Variants in JAKMIP2 observed in about 807,000 individuals in gnomAD.
JAKMIP2 encodes janus kinase and microtubule-interacting protein 2.
A neutral mutation model predicts 115.0 loss-of-function variants in JAKMIP2; 25 were observed. The observed-to-expected ratio is 0.22, with a 90% CI of 0.16 to 0.30. JAKMIP2 has a LOEUF of 0.30. Ranked by LOEUF, JAKMIP2 falls within the 10% of genes least tolerant of loss-of-function variation. The probability of loss-of-function intolerance (pLI) is 1.00; values close to 1 mark genes in which losing one functional copy is unlikely to be tolerated. For synonymous variants in JAKMIP2, 334 were observed against 343.6 expected, an observed-to-expected ratio of 0.97 and a Z score of 0.31; for missense variants, 642 against 957.6, an observed-to-expected ratio of 0.67 and a Z score of 4.35.
chr5:147,757,318 T>C (rs1215281344), intron 1 of JAKMIP2, among the ~76,000 whole-genome samples: 1 of 152,158 alleles, frequency 6.6e-6, no homozygotes, highest in Non-Finnish European at 1.5e-5. Flanking sequence ...GAAGTCACTA[T>C]CTTAGTTCTT....
At chr5:147,736,618 A>G (rs1281871343) in intron 1 of JAKMIP2, among the ~76,000 whole-genome samples, 1 of 152,040 alleles carries the variant, frequency 6.6e-6, no homozygotes, top group Non-Finnish European at 1.5e-5. Flanking sequence ...GAGGTTGGAT[A>G]TTTATATGTT....
At chr5:147,706,450 C>T (rs1752563868) in intron 1 of JAKMIP2, among the ~76,000 whole-genome samples, 1 of 152,134 alleles carries the variant, frequency 6.6e-6, no homozygotes, top group South Asian at 2.1e-4. Flanking sequence ...TCCCAAACAG[C>T]TGAGACTATA....
chr5:147,647,353 C>A (rs1319057728), intron 5 of JAKMIP2, among the ~76,000 whole-genome samples: 2 of 151,682 alleles, frequency 1.3e-5, no homozygotes, highest in East Asian at 3.9e-4. Flanking sequence ...GCCTAAAATG[C>A]ATATATTTGA....
At chr5:147,674,348 A>G (rs1581394011) in intron 1 of JAKMIP2, among the ~76,000 whole-genome samples, 1 of 152,318 alleles carries the variant, frequency 6.6e-6, no homozygotes, top group East Asian at 1.9e-4. Context: ...ACAGAGTAAA[A>G]AAGGAGCTTG....
rs576628821 is a variant in JAKMIP2, at chr5:147,644,701, TGCTTTCTTCATTAAG to T, written c.1083+134_1083+148del. 24 of 656,330 alleles carry T rather than the reference TGCTTTCTTCATTAAG, an allele frequency of 3.7e-5. 1 individual carries two copies. The highest frequency in any genetic ancestry group is 3.5e-4 in the South Asian group (13 of 37,294). The allele number at this position is 656,330 out of a possible 1,614,324, so 40.7% of individuals were successfully genotyped here. A position where few individuals can be genotyped will look rare whatever the true frequency, so the allele number is the denominator to read the frequency against. Reference sequence around the variant, plus strand: ...AAATTCAGAGCCAGCAACCTTCTCTTGCTTTCTTCATTAAGGCTTCCTTGCTTACATAAGGAAAAA... The same window carrying T: ...AAATTCAGAGCCAGCAACCTTCTCTTGCTTCCTTGCTTACATAAGGAAAAA... On this transcript the variant is annotated intron_variant, in intron 6 of 21. Transcript: ENST00000616793.
rs914848455 is a variant in JAKMIP2 at position 147,589,195 on chromosome 5, C to T, written c.*2512G>A. On this transcript the variant is annotated 3_prime_UTR_variant, in exon 22 of 22. Transcript: ENST00000616793. ...GGCACAGTGGCTTACACCTGTAATCCTAGCACTTTGGGAGGCTGAGGCAGG... is the reference window on the plus strand; with the variant it reads ...GGCACAGTGGCTTACACCTGTAATCTTAGCACTTTGGGAGGCTGAGGCAGG... 6.6e-6 allele frequency: 1 copy of T among 152,304 alleles called. No individual in the cohort carries two copies. The highest frequency in any genetic ancestry group is 1.5e-5 in the Non-Finnish European group (1 of 68,208). The allele number at this position is 152,304 out of a possible 1,614,324, so 9.4% of individuals were successfully genotyped here. A position where few individuals can be genotyped will look rare whatever the true frequency, so the allele number is the denominator to read the frequency against.
intron 3 of JAKMIP2, among the ~76,000 whole-genome samples, chr5:147,658,404 C>T (rs928122437): frequency 6.6e-6 from 1 of 152,190 alleles, no homozygotes; most frequent in African/African-American, 2.4e-5. Flanking sequence ...TAGAGGGGCA[C>T]TGGCCTGATG....
In JAKMIP2 at chr5:147,674,904, CAGTT is replaced by C. The variant is rs200594761; in HGVS notation, c.-148-2954_-148-2951del. ...ATTATGGAAGATGGTGGAAGAAAGT[CAGTT>C]AGGCTGATTTAATGGTCCATGTGAG... On this transcript the variant is annotated intron_variant, in intron 1 of 21. Coordinates refer to ENST00000616793, the MANE Select transcript of JAKMIP2 (RefSeq NM_001270941.2). 9.0e-3 allele frequency among the ~76,000 whole-genome samples: 1,374 copies of C among 152,240 alleles called. 14 individuals are homozygous for C. The highest frequency in any genetic ancestry group is 0.018 in the Admixed American group (270 of 15,286).
intron 21 of JAKMIP2, among the ~76,000 whole-genome samples, chr5:147,591,964 T>G (rs533211380): frequency 6.6e-6 from 1 of 152,300 alleles, no homozygotes; most frequent in Admixed American, 6.5e-5. Flanking sequence ...CATTACTGCT[T>G]TTTCCTCTGA....
chr5:147,655,574 A>G (rs1328119572), intron 3 of JAKMIP2, among the ~76,000 whole-genome samples: 1 of 151,656 alleles, frequency 6.6e-6, no homozygotes, highest in African/African-American at 2.4e-5. Context: ...TATTGTGTCT[A>G]TTTGGTGTGC....
chr5:147,752,813 CA>C (rs1754606434), intron 1 of JAKMIP2, among the ~76,000 whole-genome samples: 1 of 151,962 alleles, frequency 6.6e-6, no homozygotes, highest in African/African-American at 2.4e-5. Flanking sequence ...TGAGAGGACT[CA>C]AAATATTTCT....
At chr5:147,682,864 A>C (rs1760360989) in intron 1 of JAKMIP2, among the ~76,000 whole-genome samples, 1 of 152,192 alleles carries the variant, frequency 6.6e-6, no homozygotes, top group Non-Finnish European at 1.5e-5. Flanking sequence ...GCCTCCATCC[A>C]TCATAGTAAC....
rs1758925651 is a variant in JAKMIP2 at position 147,660,933 on chromosome 5, GATT to G, written c.627+12_627+14del. On this transcript the variant is annotated intron_variant, in intron 3 of 21. Coordinates refer to ENST00000616793, the MANE Select transcript of JAKMIP2 (RefSeq NM_001270941.2). ...GATGGGTTCTACATGGGTCTGATGG[GATT>G]ACTGTACTAACCAGCCTCCGAATAT... The G allele has an allele frequency of 3.7e-6, 6 of 1,612,450 alleles. 1 individual carries two copies. In the Admixed American group the frequency reaches 1.0e-4, roughly 27 times the overall value.
At chr5:147,601,832 G>T (rs1191687931) in intron 20 of JAKMIP2, 21 bp from the exon 21 acceptor site, 5 of 1,123,866 alleles carry the variant, frequency 4.4e-6, no homozygotes, top group Non-Finnish European at 6.5e-6. Flanking sequence ...AAAAGAAGAA[G>T]ATTATGTAAA....
At chr5:147,607,939 TAG>T (rs1354794288) in intron 20 of JAKMIP2, among the ~76,000 whole-genome samples, 1 of 152,190 alleles carries the variant, frequency 6.6e-6, no homozygotes, top group Non-Finnish European at 1.5e-5. Flanking sequence ...CAATTTCTTC[TAG>T]ATTTTCTATT....
intron 1 of JAKMIP2, among the ~76,000 whole-genome samples, chr5:147,763,983 G>A (rs1755022038): frequency 6.6e-6 from 1 of 152,140 alleles, no homozygotes; most frequent in African/African-American, 2.4e-5. Flanking sequence ...ATGGGGGAAT[G>A]GAAAATACTT....
At chr5:147,659,545 C>A (rs1443207401) in intron 3 of JAKMIP2, among the ~76,000 whole-genome samples, 1 of 152,072 alleles carries the variant, frequency 6.6e-6, no homozygotes, top group African/African-American at 2.4e-5. Context: ...AGCAATATGC[C>A]GGTGAAAGGA....
chr5:147,671,914 T>A lies in JAKMIP2; in HGVS notation c.-108A>T. On this transcript the variant is annotated 5_prime_UTR_variant, in exon 2 of 22. Coordinates refer to ENST00000616793, the MANE Select transcript of JAKMIP2 (RefSeq NM_001270941.2). Reference sequence around the variant, plus strand: ...CGATGTCTCAGCATCTACTGTGTGGTGCTCCTTGGTAAGGTCTCCTCAATC... The same window carrying A: ...CGATGTCTCAGCATCTACTGTGTGGAGCTCCTTGGTAAGGTCTCCTCAATC... The A allele has an allele frequency of 7.3e-7, 1 of 1,365,628 alleles. No individual in the cohort carries two copies. The highest frequency in any genetic ancestry group is 9.5e-7 in the Non-Finnish European group (1 of 1,050,836). 84.6% of individuals were successfully genotyped at this position (1,365,628 alleles called of 1,614,324 possible).
At chr5:147,659,688 T>A (rs1008857930) in intron 3 of JAKMIP2, among the ~76,000 whole-genome samples, 2 of 152,186 alleles carry the variant, frequency 1.3e-5, no homozygotes, top group African/African-American at 4.8e-5. Flanking sequence ...GAGTTCGAAG[T>A]CCTGATTCTT....
Sources: gnomAD v4.1 joint callset for allele counts (sites outside exome capture counted in the v4.1 genomes callset) on GRCh38, gnomAD v4.1.1 for gene constraint, MANE v1.5 for transcripts, NCBI Gene and HGNC (gene_info 2026-07-23, HGNC 2026-07-21) for gene names.